The following GAS7 variants were observed in gnomAD, a reference collection of about 807,000 sequenced individuals.
GAS7 encodes the protein growth arrest-specific protein 7.
In GAS7, 28 loss-of-function variants were observed where a neutral mutation model predicts 71.1. The observed-to-expected ratio is 0.39, with a 90% confidence interval of 0.29 to 0.54. GAS7 has a LOEUF of 0.54. Among genes scored for constraint, GAS7 ranks in the 20% least tolerant of loss-of-function variants. The pLI is 0.62. For synonymous variants in GAS7, 258 were observed against 245.8 expected (o/e 1.05, Z -0.46); for missense variants, 436 against 627.8 (o/e 0.69, Z 3.27).
intron 1 of GAS7, among the ~76,000 whole-genome samples, chr17:10,126,646 T>TCC (rs2073953593): frequency 6.6e-6 from 1 of 151,978 alleles, no homozygotes; most frequent in Non-Finnish European, 1.5e-5. Context: ...ACACACATAT[T>TCC]CTCTCTCTCA....
At chr17:10,152,731 A>G (rs72809400) in intron 1 of GAS7, among the ~76,000 whole-genome samples, 8,348 of 152,272 alleles carry the variant, frequency 0.055, 309 homozygotes, top group South Asian at 0.1. Flanking sequence ...TCAGGGTGGC[A>G]TGTGCAGGTG....
chr17:10,028,362 C>T (rs1419551501), intron 1 of GAS7, among the ~76,000 whole-genome samples: 1 of 152,144 alleles, frequency 6.6e-6, no homozygotes, highest in Non-Finnish European at 1.5e-5. Flanking sequence ...GAGTGAGATA[C>T]TGTCTCAAAT....
At chr17:10,036,803 A>G in intron 1 of GAS7, 1 of 1,058,946 alleles carries the variant, frequency 9.4e-7, no homozygotes, top group South Asian at 3.2e-5. Flanking sequence ...CAGCTAAAAA[A>G]CGTTGGCTGA....
At chr17:10,159,726 T>C (rs2142117164) in intron 1 of GAS7, among the ~76,000 whole-genome samples, 1 of 152,000 alleles carries the variant, frequency 6.6e-6, no homozygotes, top group East Asian at 1.9e-4. Flanking sequence ...ACGTAGATGC[T>C]CATTACAAGA....
At chr17:10,132,425 C>T (rs2074004350) in intron 1 of GAS7, among the ~76,000 whole-genome samples, 1 of 152,210 alleles carries the variant, frequency 6.6e-6, no homozygotes, top group African/African-American at 2.4e-5. Flanking sequence ...CTGACTCCGT[C>T]TCCATGTGGT....
chr17:10,119,025 T>C (rs1004316259), intron 1 of GAS7, among the ~76,000 whole-genome samples: 4 of 152,206 alleles, frequency 2.6e-5, no homozygotes, highest in Non-Finnish European at 5.9e-5. Context: ...GCATATACCA[T>C]GCACCAGGCG....
rs574192397 is a variant in GAS7, at chr17:9,995,543, A to C, written c.305-13659T>G. Among the ~76,000 whole-genome samples the C allele has an allele frequency of 8.8e-4, 39 of 44,558 alleles. 1 individual carries two copies. The South Asian group carries it at 0.013, about 14-fold the overall frequency. The allele number at this position is 44,558 out of a possible 152,430, so 29.2% of individuals were successfully genotyped here. A position where few individuals can be genotyped will look rare whatever the true frequency, so the allele number is the denominator to read the frequency against. On this transcript the variant is annotated intron_variant, in intron 2 of 13. Transcript: ENST00000432992. ...AACAATTGCAAATGATCAATAACAA[A>C]AAAAAAAAAAAAAGATACTCATTCT... is the stretch of plus-strand genomic sequence containing the variant.
chr17:10,112,962 C>G (rs72809349), intron 1 of GAS7, among the ~76,000 whole-genome samples: 1 of 151,886 alleles, frequency 6.6e-6, no homozygotes, highest in Non-Finnish European at 1.5e-5. Context: ...GTAAAACAAC[C>G]GACTGGCCTG....
At chr17:10,016,602 CAAAAAAAAA>C (rs1158379710) in intron 2 of GAS7, among the ~76,000 whole-genome samples, 2 of 84,730 alleles carry the variant, frequency 2.4e-5, no homozygotes, top group Admixed American at 1.6e-4. Context: ...CTGTCTCTAC[CAAAAAAAAA>C]AAAAAAAAAA....
chr17:10,155,662 C>T (rs1393507756), intron 1 of GAS7, among the ~76,000 whole-genome samples: 1 of 152,184 alleles, frequency 6.6e-6, no homozygotes, highest in African/African-American at 2.4e-5. Context: ...GGTCCTCCCA[C>T]TCCCATCCCA....
chr17:9,919,969 T>TTATGTG lies in GAS7; in HGVS notation c.1139-265_1139-264insCACATA, dbSNP rs762410053. Among the ~76,000 whole-genome samples the TTATGTG allele has an allele frequency of 3.7e-4, 48 of 131,498 alleles. No homozygotes were observed. The East Asian group carries it at 7.5e-3, about 21-fold the overall frequency. 86.3% of individuals were successfully genotyped at this position (131,498 alleles called of 152,430 possible). Reference sequence around the variant, plus strand: ...AGGATTCAGGATGGTGGTTCTCATTTTGTGTGTGTGTGTGTGTGTGTGTGT... The same window carrying TTATGTG: ...AGGATTCAGGATGGTGGTTCTCATTTTATGTGTGTGTGTGTGTGTGTGTGTGTGTGT... On this transcript the variant is annotated intron_variant, in intron 11 of 13. Coordinates refer to ENST00000432992, the MANE Select transcript of GAS7 (RefSeq NM_201433.2). This position sits in a 1 kb window ranked among gnomAD's most constrained non-coding sequence, Gnocchi z 5.0.
chr17:10,092,320 T>C (rs1356301506), intron 1 of GAS7, among the ~76,000 whole-genome samples: 1 of 152,214 alleles, frequency 6.6e-6, no homozygotes, highest in Admixed American at 6.5e-5. Context: ...AACAGTACAC[T>C]ACTAGCCTGA....
In GAS7 at chr17:9,991,785, G is replaced by A. The variant is rs115668639; in HGVS notation, c.305-9901C>T. On this transcript the variant is annotated intron_variant, in intron 2 of 13. Coordinates refer to ENST00000432992, the MANE Select transcript of GAS7 (RefSeq NM_201433.2). ...GCAAGGAAGGTTGACTGCAATGTTG[G>A]AGAAATATGTCTTGTCACCGAGACA... 6.1e-3 allele frequency among the ~76,000 whole-genome samples: 931 copies of A among 152,116 alleles called. 8 individuals carry two copies. Among genetic ancestry groups the A allele is most frequent in the African/African-American group, 0.021 (870 of 41,506 alleles).
intron 1 of GAS7, among the ~76,000 whole-genome samples, chr17:10,020,888 G>T (rs1471562748): frequency 6.6e-6 from 1 of 152,144 alleles, no homozygotes; most frequent in Non-Finnish European, 1.5e-5. Flanking sequence ...ACTCCAGCCT[G>T]GGTGACAGAG....
intron 8 of GAS7, 74 bp downstream of exon 8, chr17:9,940,052 A>G (rs940422310): frequency 2.3e-6 from 2 of 871,638 alleles, no homozygotes; most frequent in Non-Finnish European, 4.0e-6. Context: ...GCCAGTGATC[A>G]GTGATAGTGG....
rs939256975 is a variant in GAS7 at position 10,007,391 on chromosome 17, G to C, written c.304+12386C>G. ...TGTATTCCCAGCACTTTGAGAGGGT[G>C]AGGCTGGTGGATCACCTGAGGTCAG... On this transcript the variant is annotated intron_variant, in intron 2 of 13. Transcript: ENST00000432992. 2.6e-5 allele frequency among the ~76,000 whole-genome samples: 4 copies of C among 152,158 alleles called. No homozygotes were observed. The East Asian group carries it at 7.7e-4, about 29-fold the overall frequency.
intron 1 of GAS7, among the ~76,000 whole-genome samples, chr17:10,062,372 C>T (rs1425236328): frequency 6.6e-6 from 1 of 152,154 alleles, no homozygotes; most frequent in Non-Finnish European, 1.5e-5. Flanking sequence ...GTAATCTCGA[C>T]AACTCAGGAG....
intron 1 of GAS7, among the ~76,000 whole-genome samples, chr17:10,173,695 G>A (rs2142134058): frequency 6.6e-6 from 1 of 152,140 alleles, no homozygotes; most frequent in East Asian, 1.9e-4. Context: ...GTGAATGCGG[G>A]AGGGGGAGCT....
At chr17:9,933,522 T>C (rs114716643) in intron 9 of GAS7, among the ~76,000 whole-genome samples, 245 of 152,350 alleles carry the variant, frequency 1.6e-3, no homozygotes, top group African/African-American at 5.8e-3. Context: ...GATATGAACT[T>C]ATAATTGAAT....
Sources: gnomAD v4.1 joint callset for allele counts (sites outside exome capture counted in the v4.1 genomes callset) on GRCh38, gnomAD v4.1.1 for gene constraint, Gnocchi (gnomAD v3.1) non-coding constraint, MANE v1.5 for transcripts, NCBI Gene and HGNC (gene_info 2026-07-23, HGNC 2026-07-21) for gene names.